NALCN: variants seen among roughly 807,000 people sequenced by gnomAD.
NALCN encodes the protein sodium leak channel NALCN.
In NALCN, 111 loss-of-function variants were observed where a neutral mutation model predicts 225.3. The ratio of observed to expected loss-of-function variants is 0.49; its 90% confidence interval spans 0.42 to 0.58. The LOEUF (loss-of-function observed/expected upper bound fraction) is 0.58. NALCN is among the 20% of genes least tolerant of loss of function. The pLI, the probability that NALCN is intolerant of heterozygous loss-of-function variation, is 0.00. For synonymous variants in NALCN, 764 were observed against 769.0 expected (o/e 0.99, Z 0.11); for missense variants, 1,378 against 2,202.4 (o/e 0.63, Z 7.49).
chr13:101,111,404 A>G (rs2139648718), intron 18 of NALCN, among the ~76,000 whole-genome samples, 178 bp from the exon 19 acceptor site: 1 of 152,370 alleles, frequency 6.6e-6, no homozygotes, highest in Non-Finnish European at 1.5e-5. Context: ...AAGAACACTT[A>G]CAAAGCAGAA....
intron 7 of NALCN, among the ~76,000 whole-genome samples, chr13:101,326,679 A>G (rs1053774126): frequency 6.6e-6 from 1 of 152,296 alleles, no homozygotes. Context: ...GGGTTTTTCA[A>G]TGATATGTTG....
chr13:101,161,953 T>A (rs1411451038), intron 15 of NALCN, among the ~76,000 whole-genome samples: 1 of 152,154 alleles, frequency 6.6e-6, no homozygotes, highest in Non-Finnish European at 1.5e-5. Context: ...CCCTGCTGAC[T>A]TTTCCACACT....
chr13:101,279,880 A>AAAT (rs2043110147), intron 10 of NALCN, among the ~76,000 whole-genome samples: 1 of 124,598 alleles, frequency 8.0e-6, no homozygotes, highest in African/African-American at 3.0e-5. Context: ...AATAAATAAA[A>AAAT]AGAAGTGGTA....
At chr13:101,370,796 G>A (rs186780212) in intron 6 of NALCN, among the ~76,000 whole-genome samples, 37 of 152,222 alleles carry the variant, frequency 2.4e-4, no homozygotes, top group African/African-American at 7.9e-4. Flanking sequence ...CTGCACATAC[G>A]AAAGTGTACA....
intron 18 of NALCN, among the ~76,000 whole-genome samples, chr13:101,111,884 T>G (rs1235486126): frequency 2.0e-5 from 3 of 152,188 alleles, no homozygotes; most frequent in African/African-American, 2.4e-5. Flanking sequence ...ACTAGCAGCA[T>G]GAAAACAGAT....
chr13:101,154,934 A>G (rs1356798759), intron 15 of NALCN, among the ~76,000 whole-genome samples: 1 of 152,216 alleles, frequency 6.6e-6, no homozygotes, highest in Non-Finnish European at 1.5e-5. Flanking sequence ...CTCTTGATAA[A>G]GTGTGTGTTC....
chr13:101,331,411 C>G (rs560979792), intron 7 of NALCN, among the ~76,000 whole-genome samples: 1 of 151,880 alleles, frequency 6.6e-6, no homozygotes, highest in Non-Finnish European at 1.5e-5. Context: ...ATTGAAAATT[C>G]GATAAATAAA....
intron 28 of NALCN, among the ~76,000 whole-genome samples, chr13:101,092,363 G>A (rs931394506): frequency 2.6e-5 from 4 of 152,102 alleles, no homozygotes; most frequent in Admixed American, 1.3e-4. Context: ...GTCCAAAAAC[G>A]GCATGCTGTA....
At chr13:101,339,347 C>G (rs2045483857) in intron 7 of NALCN, among the ~76,000 whole-genome samples, 1 of 152,142 alleles carries the variant, frequency 6.6e-6, no homozygotes, top group Non-Finnish European at 1.5e-5. Context: ...GTCTACTACT[C>G]AGGAAGCTTG....
intron 12 of NALCN, among the ~76,000 whole-genome samples, chr13:101,231,549 C>T (rs2041349483): frequency 6.6e-6 from 1 of 152,004 alleles, no homozygotes. Context: ...AAAAATGCTG[C>T]CAATTAAAGT....
intron 13 of NALCN, among the ~76,000 whole-genome samples, chr13:101,198,581 C>G (rs2039984737): frequency 6.6e-6 from 1 of 152,154 alleles, no homozygotes; most frequent in South Asian, 2.1e-4. Context: ...CAAATCAAAA[C>G]CATAATGAGA....
At chr13:101,300,336 CTTCT>C (rs911701746) in intron 7 of NALCN, among the ~76,000 whole-genome samples, 9 of 136,300 alleles carry the variant, frequency 6.6e-5, no homozygotes, top group South Asian at 2.3e-4. Context: ...TCCTTCCTTC[CTTCT>C]TTTTCTTTTT....
intron 7 of NALCN, among the ~76,000 whole-genome samples, chr13:101,297,793 A>T (rs886919268): frequency 2.6e-5 from 4 of 152,198 alleles, no homozygotes; most frequent in Non-Finnish European, 1.5e-5. Context: ...GGCTTCATTT[A>T]CTGTCTGGGA....
chr13:101,063,729 T>C (rs1318135797), intron 40 of NALCN, among the ~76,000 whole-genome samples: 1 of 152,106 alleles, frequency 6.6e-6, no homozygotes, highest in Admixed American at 6.5e-5. Context: ...TCTGATCCTT[T>C]TTTTTTTTCA....
intron 6 of NALCN, among the ~76,000 whole-genome samples, chr13:101,366,851 T>A (rs1036472994): frequency 2.0e-5 from 3 of 152,164 alleles, no homozygotes; most frequent in African/African-American, 7.2e-5. Flanking sequence ...CACCCTGTTG[T>A]GCATGGATCT....
chr13:101,415,823 C>T (rs1327047757), intron 1 of NALCN, among the ~76,000 whole-genome samples: 1 of 151,982 alleles, frequency 6.6e-6, no homozygotes, highest in African/African-American at 2.4e-5. Flanking sequence ...CCTCCCCACC[C>T]GCGCGTTGGC....
rs189610106 is a variant in NALCN at position 101,174,256 on chromosome 13, T to C, written c.1839+2044A>G. Among the ~76,000 whole-genome samples the C allele has an allele frequency of 3.2e-4, 49 of 152,288 alleles. 1 individual carries two copies. The highest frequency in any genetic ancestry group is 2.2e-3 in the Admixed American group (34 of 15,294). ...CAAAAATGGAATTGCTGCGTTATGATTGGAGTTTTCAATGCCCAAATACCC... is the reference window on the plus strand; with the variant it reads ...CAAAAATGGAATTGCTGCGTTATGACTGGAGTTTTCAATGCCCAAATACCC... On this transcript the variant is annotated intron_variant, in intron 15 of 43. Transcript: ENST00000251127.
intron 15 of NALCN, among the ~76,000 whole-genome samples, chr13:101,156,158 C>T (rs2037890813): frequency 6.7e-6 from 1 of 149,332 alleles, no homozygotes; most frequent in East Asian, 2.3e-4. Context: ...AGTCTTCAGA[C>T]ATACTTCTAT....
At chr13:101,268,068 C>G (rs181206188) in intron 10 of NALCN, among the ~76,000 whole-genome samples, 1 of 152,300 alleles carries the variant, frequency 6.6e-6, no homozygotes, top group Admixed American at 6.5e-5. Flanking sequence ...CTCTCTCTTT[C>G]CCTCTACAGT....
Sources: allele counts gnomAD v4.1 joint callset (sites outside exome capture counted in the v4.1 genomes callset), GRCh38; gene constraint gnomAD v4.1.1; transcripts MANE v1.5; gene names NCBI Gene and HGNC (gene_info 2026-07-23, HGNC 2026-07-21).